Variants in PEAK1 observed in about 807,000 individuals in gnomAD.
PEAK1 encodes the protein pseudopodium enriched atypical kinase 1.
A neutral mutation model predicts 124.7 loss-of-function variants in PEAK1; 54 were observed. The observed-to-expected ratio is 0.43, with a 90% CI of 0.35 to 0.54. The LOEUF is 0.54. Among genes scored for constraint, PEAK1 ranks in the 20% least tolerant of loss-of-function variants. The pLI, the probability that PEAK1 is intolerant of heterozygous loss-of-function variation, is 0.01. For synonymous variants in PEAK1, 719 were observed against 760.0 expected (o/e 0.95, Z 0.89); for missense variants, 2,046 against 2,134.5 (o/e 0.96, Z 0.82).
chr15:77,170,094 C>G (rs562200346), intron 7 of PEAK1, among the ~76,000 whole-genome samples: 1 of 151,758 alleles, frequency 6.6e-6, no homozygotes, highest in South Asian at 2.1e-4. Context: ...TTAAAGAACC[C>G]CTTTTTCATA....
chr15:77,420,773 G>T, upstream of PEAK1: 2 of 398,390 alleles, frequency 5.0e-6, no homozygotes, highest in South Asian at 2.6e-4. Context: ...CTTCTCACCG[G>T]AGCAATTGTA....
rs539937791 is a variant in PEAK1 at position 77,283,949 on chromosome 15, T to C, written c.-341A>G. On this transcript the variant is annotated 5_prime_UTR_variant, in exon 5 of 10. Coordinates refer to ENST00000682557, the MANE Select transcript of PEAK1 (RefSeq NM_001385026.1). ...TTTCATATTAGAAAATGTTTGTTTC[T>C]CCTTCTTGGATTTTTTCATAAATCA... 5.1e-6 allele frequency: 5 copies of C among 982,846 alleles called. No individual in the cohort carries two copies. In the South Asian group the frequency reaches 2.4e-4, roughly 46 times the overall value. 60.9% of individuals were successfully genotyped at this position (982,846 alleles called of 1,614,324 possible).
intron 1 of PEAK1, among the ~76,000 whole-genome samples, chr15:77,373,143 G>C (rs1209695798): frequency 6.6e-6 from 1 of 152,184 alleles, no homozygotes; most frequent in Admixed American, 6.5e-5. Flanking sequence ...GCAAGTGTCA[G>C]AGAAAAACTT....
chr15:77,398,300 T>TA (rs368201887), intron 1 of PEAK1, among the ~76,000 whole-genome samples: 4 of 151,542 alleles, frequency 2.6e-5, no homozygotes, highest in Admixed American at 1.3e-4. Flanking sequence ...AAGACACATT[T>TA]AAAAAAAAGA....
In PEAK1 at chr15:77,278,488, G is replaced by A. The variant is rs1235832804; in HGVS notation, c.-275+5395C>T. 10 of 494,212 alleles carry A rather than the reference G, an allele frequency of 2.0e-5. 1 individual carries two copies. Among genetic ancestry groups the A allele is most frequent in the Non-Finnish European group, 4.1e-5 (10 of 246,418 alleles). 30.6% of individuals were successfully genotyped at this position (494,212 alleles called of 1,614,324 possible). A position where few individuals can be genotyped will look rare whatever the true frequency, so the allele number is the denominator to read the frequency against. ...CCATGCCCAAGAGAAAGGCTGAAGGGGATGCTAAAGGAGATAAAGCCAAAG... is the reference window on the plus strand; with the variant it reads ...CCATGCCCAAGAGAAAGGCTGAAGGAGATGCTAAAGGAGATAAAGCCAAAG... On this transcript the variant is annotated intron_variant, in intron 5 of 9. Coordinates refer to ENST00000682557, the MANE Select transcript of PEAK1 (RefSeq NM_001385026.1).
Position 77,117,355 on chromosome 15 carries a change from A to G in PEAK1, c.4078-2036T>C, listed in dbSNP as rs1264026571. On this transcript the variant is annotated intron_variant, in intron 9 of 9. Transcript: ENST00000682557. ...TCTCCCTATTAAAGGAGACAATATG[A>G]AGAACACTGAAATCTACTTCACAGG... Among the ~76,000 whole-genome samples, 3 of 152,218 alleles carry G rather than the reference A, an allele frequency of 2.0e-5. No homozygotes were observed. In the South Asian group the frequency reaches 6.2e-4, roughly 32 times the overall value.
rs1008017346 is a variant in PEAK1 at position 77,235,325 on chromosome 15, G to T, written c.-115+17042C>A. Among the ~76,000 whole-genome samples the T allele has an allele frequency of 5.3e-5, 8 of 152,108 alleles. No individual in the cohort carries two copies. In the South Asian group the frequency reaches 1.7e-3, roughly 32 times the overall value. On this transcript the variant is annotated intron_variant, in intron 6 of 9. Transcript: ENST00000682557. ...AGGACAGGAAGATGTGGGAAAGTTT[G>T]GAACTTCCTAGAGACTTGTTAAATG...
chr15:77,232,087 A>G (rs759065338), intron 6 of PEAK1, among the ~76,000 whole-genome samples: 1 of 152,190 alleles, frequency 6.6e-6, no homozygotes, highest in Non-Finnish European at 1.5e-5. Flanking sequence ...GTAGAGGCTT[A>G]CTCCAACAAT....
intron 8 of PEAK1, among the ~76,000 whole-genome samples, chr15:77,141,656 G>C (rs1205436090): frequency 6.6e-6 from 1 of 152,144 alleles, no homozygotes; most frequent in Non-Finnish European, 1.5e-5. Context: ...TCAAGAGTAC[G>C]TGGTACTGGC....
rs142234464 is a variant in PEAK1 at position 77,126,819 on chromosome 15, C to T, written c.4077+6186G>A. Among the ~76,000 whole-genome samples the T allele has an allele frequency of 9.2e-5, 14 of 152,246 alleles. No homozygotes were observed. The East Asian group carries it at 2.5e-3, about 27-fold the overall frequency. Reference sequence around the variant, plus strand: ...GATGCCTTTTCATTTAAGACCAATACAAATAATAAAGCTAATCATGTTGAA... The same window carrying T: ...GATGCCTTTTCATTTAAGACCAATATAAATAATAAAGCTAATCATGTTGAA... On this transcript the variant is annotated intron_variant, in intron 9 of 9. Transcript: ENST00000682557.
chr15:77,281,936 C>A, intron 5 of PEAK1, among the ~76,000 whole-genome samples: 1 of 152,142 alleles, frequency 6.6e-6, no homozygotes, highest in East Asian at 1.9e-4. Flanking sequence ...TCTGAATCAA[C>A]CCATTTAATT....
At chr15:77,302,399 T>C (rs908314588) in intron 2 of PEAK1, among the ~76,000 whole-genome samples, 5 of 152,210 alleles carry the variant, frequency 3.3e-5, no homozygotes, top group Non-Finnish European at 4.4e-5. Flanking sequence ...ACATGGATCA[T>C]TTTAGCCTCT....
At chr15:77,168,230 T>TGC (rs67103554) in intron 7 of PEAK1, among the ~76,000 whole-genome samples, 2,930 of 89,594 alleles carry the variant, frequency 0.033, 47 homozygotes, top group African/African-American at 0.069. Context: ...CATATGCATG[T>TGC]GCGCGCGCAC....
intron 1 of PEAK1, chr15:77,402,309 C>A (rs905491686): frequency 3.0e-5 from 30 of 984,936 alleles, no homozygotes; most frequent in Non-Finnish European, 3.6e-5. Flanking sequence ...ATCTAGACAT[C>A]GGGGAGAAAA....
At chr15:77,122,371 G>A (rs185610541) in intron 9 of PEAK1, among the ~76,000 whole-genome samples, 2 of 152,110 alleles carry the variant, frequency 1.3e-5, no homozygotes, top group Admixed American at 1.3e-4. Flanking sequence ...CTCCCACTCA[G>A]CATGTGTATC....
chr15:77,360,601 T>G (rs1001214949), intron 2 of PEAK1, among the ~76,000 whole-genome samples: 9 of 152,200 alleles, frequency 5.9e-5, no homozygotes, highest in African/African-American at 2.2e-4. Flanking sequence ...TCATGGGATG[T>G]GACACTCACC....
chr15:77,132,608 T>G (rs2052964523), intron 9 of PEAK1, among the ~76,000 whole-genome samples: 1 of 151,572 alleles, frequency 6.6e-6, no homozygotes, highest in Non-Finnish European at 1.5e-5. Flanking sequence ...GGCACAATAA[T>G]TGCTTGAACC....
intron 1 of PEAK1, among the ~76,000 whole-genome samples, chr15:77,384,349 G>A (rs751940500): frequency 6.6e-6 from 1 of 152,118 alleles, no homozygotes; most frequent in Non-Finnish European, 1.5e-5. Flanking sequence ...ACTTCAGTCA[G>A]TATGTCAGTT....
intron 2 of PEAK1, among the ~76,000 whole-genome samples, chr15:77,295,522 C>T (rs1460998546): frequency 2.6e-5 from 4 of 152,114 alleles, no homozygotes; most frequent in Non-Finnish European, 5.9e-5. Context: ...AAAGCCTCAT[C>T]ATACTCTGAT....
Sources: gnomAD v4.1 joint callset for allele counts (sites outside exome capture counted in the v4.1 genomes callset) on GRCh38, gnomAD v4.1.1 for gene constraint, MANE v1.5 for transcripts, NCBI Gene and HGNC (gene_info 2026-07-23, HGNC 2026-07-21) for gene names.